CTNNA3: variants seen among roughly 807,000 people sequenced by gnomAD.
CTNNA3 encodes catenin alpha 3, also known as catenin alpha-3.
CTNNA3 carries 76 observed loss-of-function variants against 95.7 expected under a neutral mutation model. The observed-to-expected ratio is 0.79, with a 90% confidence interval of 0.66 to 0.96. The LOEUF (loss-of-function observed/expected upper bound fraction) is 0.96, where lower values mean the gene tolerates loss of function less well. Among genes scored for constraint, CTNNA3 ranks in the 40% least tolerant of loss-of-function variants. The pLI is 0.00. For missense variants in CTNNA3, 1,191 were observed against 1,089.8 expected, an observed-to-expected ratio of 1.09 and a Z score of -1.31; for synonymous variants, 431 against 374.4, an observed-to-expected ratio of 1.15 and a Z score of -1.74.
At chr10:66,006,811 A>T (rs2078896328) in intron 15 of CTNNA3, among the ~76,000 whole-genome samples, 1 of 152,212 alleles carries the variant, frequency 6.6e-6, no homozygotes, top group Admixed American at 6.5e-5. Flanking sequence ...CTACTGACTC[A>T]CTTCTTATTC....
chr10:67,634,483 C>A (rs1024514771), intron 2 of CTNNA3, among the ~76,000 whole-genome samples: 4 of 152,146 alleles, frequency 2.6e-5, no homozygotes, highest in Non-Finnish European at 4.4e-5. Context: ...ACAAGATTAA[C>A]CTTAAATGTA....
At chr10:66,063,538 T>C (rs2080253596) in intron 15 of CTNNA3, among the ~76,000 whole-genome samples, 1 of 151,602 alleles carries the variant, frequency 6.6e-6, no homozygotes, top group African/African-American at 2.4e-5. Context: ...CTCTTTCCCA[T>C]GGTTCCTAGA....
chr10:66,687,956 T>C (rs1589126258), intron 9 of CTNNA3, among the ~76,000 whole-genome samples: 1 of 152,226 alleles, frequency 6.6e-6, no homozygotes, highest in East Asian at 1.9e-4. Flanking sequence ...AGATTTTAGA[T>C]TTGCTGAGCT....
chr10:66,176,658 C>G (rs1315943548), intron 13 of CTNNA3, among the ~76,000 whole-genome samples: 1 of 151,940 alleles, frequency 6.6e-6, no homozygotes, highest in Non-Finnish European at 1.5e-5. Flanking sequence ...GATTAGTGCC[C>G]TTATAAAAGA....
chr10:67,295,326 C>T (rs1421800221), intron 5 of CTNNA3, among the ~76,000 whole-genome samples: 1 of 152,132 alleles, frequency 6.6e-6, no homozygotes, highest in Non-Finnish European at 1.5e-5. Context: ...TAATTCATGA[C>T]AACAGATAGA....
Position 66,927,127 on chromosome 10 carries a change from A to G in CTNNA3, c.1048-151603T>C. The G allele has an allele frequency of 6.2e-7, 1 of 1,614,210 alleles. No homozygotes were observed. The highest frequency in any genetic ancestry group is 2.2e-5 in the East Asian group (1 of 44,880). ...TTGCTTAGGTTTGTCCCTTCGCTAT[A>G]ACAGCCTTCAAAAACTTAAGTATAA... On this transcript the variant is annotated intron_variant, in intron 7 of 17. Transcript: ENST00000433211. The surrounding 1 kb of genome is among the most constrained non-coding windows in gnomAD (Gnocchi z 4.7).
chr10:67,210,000 A>G (rs1425380899), intron 6 of CTNNA3, among the ~76,000 whole-genome samples: 1 of 152,052 alleles, frequency 6.6e-6, no homozygotes, highest in Non-Finnish European at 1.5e-5. Context: ...GAAATTAGAA[A>G]ATATAAGTTA....
chr10:66,158,477 T>A (rs1344124378), intron 13 of CTNNA3, among the ~76,000 whole-genome samples: 1 of 152,170 alleles, frequency 6.6e-6, no homozygotes, highest in African/African-American at 2.4e-5. Context: ...GGTTTATTTC[T>A]GGGTTCTCTA....
intron 11 of CTNNA3, among the ~76,000 whole-genome samples, chr10:66,398,410 A>G (rs2456740): frequency 0.65 from 98,141 of 151,734 alleles, 33,355 homozygotes; most frequent in East Asian, 0.88. Context: ...CAGTTACAAC[A>G]ATTGCATGGG....
intron 6 of CTNNA3, among the ~76,000 whole-genome samples, chr10:67,189,127 AAAC>A (rs370475601): frequency 7.7e-6 from 1 of 130,282 alleles, no homozygotes; most frequent in South Asian, 2.4e-4. Context: ...ACAAACAAAC[AAAC>A]AACAACAACA....
intron 3 of CTNNA3, among the ~76,000 whole-genome samples, chr10:67,601,806 C>A (rs1487619919): frequency 6.6e-6 from 1 of 152,124 alleles, no homozygotes; most frequent in African/African-American, 2.4e-5. Context: ...ATGTGAACCA[C>A]CTCTGCTGAA....
At chr10:67,301,263 G>C (rs1378628640) in intron 5 of CTNNA3, among the ~76,000 whole-genome samples, 2 of 152,096 alleles carry the variant, frequency 1.3e-5, no homozygotes, top group African/African-American at 2.4e-5. Flanking sequence ...AGAAGCCAGG[G>C]ACTCCACAAT....
In CTNNA3 at chr10:67,705,278, G is replaced by T. The variant is rs1288595532; in HGVS notation, c.-1-57764C>A. On this transcript the variant is annotated intron_variant, in intron 1 of 17. Coordinates refer to the CTNNA3 transcript ENST00000684154. Reference sequence around the variant, plus strand: ...TTTGACCCAGCCATCCCATTACTGGGTATATACCCAAAGGACTATAAATCA... The same window carrying T: ...TTTGACCCAGCCATCCCATTACTGGTTATATACCCAAAGGACTATAAATCA... Among the ~76,000 whole-genome samples, 16 of 148,758 alleles carry T rather than the reference G, an allele frequency of 1.1e-4. No homozygotes were observed. In the South Asian group the frequency reaches 3.5e-3, roughly 32 times the overall value.
At chr10:67,073,722 AAGAC>A (rs1383724143) in intron 7 of CTNNA3, among the ~76,000 whole-genome samples, 2 of 152,190 alleles carry the variant, frequency 1.3e-5, no homozygotes, top group African/African-American at 4.8e-5. Flanking sequence ...AAAAAAATCA[AAGAC>A]AGATAAACAA....
At chr10:66,860,829 C>G (rs1403277899) in intron 7 of CTNNA3, among the ~76,000 whole-genome samples, 2 of 152,172 alleles carry the variant, frequency 1.3e-5, no homozygotes, top group Non-Finnish European at 2.9e-5. Flanking sequence ...AATATTCAAA[C>G]TCATATATGC....
chr10:67,745,185 T>C (rs891074010), intron 1 of CTNNA3, among the ~76,000 whole-genome samples: 2 of 152,194 alleles, frequency 1.3e-5, no homozygotes, highest in African/African-American at 4.8e-5. Flanking sequence ...TTACAAATCA[T>C]GCTGCTATAA....
At chr10:66,848,249 A>C (rs779668129) in intron 7 of CTNNA3, among the ~76,000 whole-genome samples, 85 of 152,222 alleles carry the variant, frequency 5.6e-4, no homozygotes, top group Non-Finnish European at 1.1e-3. Flanking sequence ...TTTTTGAGAT[A>C]GTTACACATA....
chr10:66,767,320 C>G (rs1564669255), intron 8 of CTNNA3, among the ~76,000 whole-genome samples: 1 of 151,884 alleles, frequency 6.6e-6, no homozygotes, highest in Non-Finnish European at 1.5e-5. Flanking sequence ...GTGGCAGGCA[C>G]CTGTACTCCC....
intron 7 of CTNNA3, among the ~76,000 whole-genome samples, chr10:67,136,344 C>T (rs1053920438): frequency 3.9e-5 from 6 of 151,986 alleles, no homozygotes; most frequent in Non-Finnish European, 7.4e-5. Flanking sequence ...AGTGTTGCTG[C>T]TACCTTTATT....
Sources: gnomAD v4.1 joint callset for allele counts (sites outside exome capture counted in the v4.1 genomes callset) on GRCh38, gnomAD v4.1.1 for gene constraint, Gnocchi (gnomAD v3.1) non-coding constraint, MANE v1.5 for transcripts, NCBI Gene and HGNC (gene_info 2026-07-23, HGNC 2026-07-21) for gene names.